Variants in RGL3 observed in about 807,000 individuals in gnomAD.
The protein encoded by RGL3 is ral guanine nucleotide dissociation stimulator like 3.
In RGL3, 85 loss-of-function variants were observed where a neutral mutation model predicts 90.6. The ratio of observed to expected loss-of-function variants is 0.94; its 90% CI spans 0.79 to 1.12. The LOEUF is 1.12. RGL3 is among the 50% of genes most tolerant of loss of function. RGL3 has a pLI of 0.00. For synonymous variants in RGL3, 408 were observed against 385.5 expected, an observed-to-expected ratio of 1.06 and a Z score of -0.68; for missense variants, 1,034 against 939.2, an observed-to-expected ratio of 1.10 and a Z score of -1.32.
chr19:11,415,498 G>A (rs1049999926), intron 5 of RGL3, among the ~76,000 whole-genome samples: 5 of 151,772 alleles, frequency 3.3e-5, no homozygotes, highest in Non-Finnish European at 7.4e-5. Context: ...TTTTTTAGAC[G>A]GAGTTTCGCT....
At chr19:11,414,206 T>TAC (rs1968929608) in intron 5 of RGL3, among the ~76,000 whole-genome samples, 1 of 106,050 alleles carries the variant, frequency 9.4e-6, no homozygotes, top group African/African-American at 3.7e-5. Flanking sequence ...TTTATATATA[T>TAC]ATATACCTTT....
chr19:11,407,756 G>C (rs987379073), intron 5 of RGL3, among the ~76,000 whole-genome samples: 14 of 150,254 alleles, frequency 9.3e-5, no homozygotes, highest in Admixed American at 6.0e-4. Context: ...GCGTGATCTT[G>C]GCTCACTGCA....
At position 11,416,897 on chromosome 19, in the gene RGL3, C is replaced by A. The variant is rs1449806212; in HGVS notation, c.310G>T (p.Val104Leu). Residue 104 changes from valine to leucine, a missense_variant, in exon 3 of 19, where the codon GTA becomes TTA. Coordinates refer to ENST00000380456, the MANE Select transcript of RGL3 (RefSeq NM_001035223.4). ...AAGCCCAGCAGGCAGGCAGTGGGTACAAAGGTCCGGTAGGTGGCCAGGAAG... is the reference window on the plus strand; with the variant it reads ...AAGCCCAGCAGGCAGGCAGTGGGTAAAAAGGTCCGGTAGGTGGCCAGGAAG... ...PAFLATYRTFVPTACLLGFLL... is the reference protein window; with the variant it reads ...PAFLATYRTFLPTACLLGFLL... 1 of 1,614,028 alleles carries A rather than the reference C, an allele frequency of 6.2e-7. No homozygotes were observed. Among genetic ancestry groups the A allele is most frequent in the Admixed American group, 1.7e-5 (1 of 59,988 alleles).
intron 16 of RGL3, among the ~76,000 whole-genome samples, chr19:11,398,191 C>T (rs1224070051): frequency 6.6e-6 from 1 of 152,080 alleles, no homozygotes; most frequent in Non-Finnish European, 1.5e-5. Flanking sequence ...TGTCCATATA[C>T]ACACAACCCA....
chr19:11,403,058 G>A (rs1321077380), intron 9 of RGL3, among the ~76,000 whole-genome samples: 1 of 151,810 alleles, frequency 6.6e-6, no homozygotes, highest in African/African-American at 2.4e-5. Context: ...CACTCTAGAG[G>A]GAGTGTCGCT....
At position 11,418,767 on chromosome 19, in the gene RGL3, C is replaced by T. The variant is rs1215331911; in HGVS notation, c.51G>A (p.Trp17Ter). The change falls in exon 2 of 19, where the codon TGG (tryptophan) becomes TGA (stop). Residue 17 changes from tryptophan (W) to a stop codon, truncating the protein, a stop_gained. Transcript: ENST00000380456. LOFTEE classifies it high-confidence loss of function. ...CCGCGCCGTCCTCGGTCTCTTCACC[C>T]CAGTCCTGCAGCGGTGCCTGGACGC... is the stretch of plus-strand genomic sequence containing the variant. The part of the protein sequence containing the change: ...KELALAPLQD[W>*]GEETEDGAVY... 6.4e-7 allele frequency: 1 copy of T among 1,560,866 alleles called. No homozygotes were observed.
intron 18 of RGL3, 32 bp from the exon 19 acceptor site, chr19:11,394,552 C>T: frequency 6.5e-7 from 1 of 1,529,252 alleles, no homozygotes; most frequent in Non-Finnish European, 9.1e-7. Flanking sequence ...GGTAATAGGC[C>T]CTCACAACCT....
chr19:11,415,720 CAT>C (rs1968980640), intron 5 of RGL3, among the ~76,000 whole-genome samples: 1 of 151,854 alleles, frequency 6.6e-6, no homozygotes, highest in Non-Finnish European at 1.5e-5. Context: ...GGTGATACAC[CAT>C]CCTTGGCCTC....
chr19:11,402,079 G>A lies in RGL3; in HGVS notation c.1416C>T (p.Tyr472=). 1.3e-6 allele frequency: 2 copies of A among 1,590,654 alleles called. No individual in the cohort carries two copies. The highest frequency in any genetic ancestry group is 2.0e-4 in the Middle Eastern group (1 of 5,066). The change falls in exon 13 of 19, where the codon TAC becomes TAT. Residue 472 remains tyrosine, a synonymous_variant. Transcript: ENST00000380456. The stretch of plus-strand genomic sequence containing the variant: ...GGATGGGCGGGTGGGGGCTCAGGGT[G>A]TAGCTCTGACAGCGCCTCTGCAGCT... ...IQQLQRRCQS[Y]TLSPHPPILA...
In RGL3 at chr19:11,406,567, C is replaced by T. The variant is rs778567762; in HGVS notation, c.848G>A (p.Gly283Glu). 1.3e-5 allele frequency: 20 copies of T among 1,550,656 alleles called. No individual in the cohort carries two copies. In the South Asian group the frequency reaches 1.7e-4, roughly 13 times the overall value. Residue 283 changes from glycine to glutamate, a missense_variant, in exon 7 of 19, where the codon GGG (glycine) becomes GAG (glutamate). Transcript: ENST00000380456. ...CACAGTGGGGGAGGCGCCTGCAGCC[C>T]CCGGCCGGTCCCTCTGCGACCACAC... ...GSVWSQRDRPGAAGASPTVRA... is the reference protein window; with the variant it reads ...GSVWSQRDRPEAAGASPTVRA...
At position 11,402,525 on chromosome 19, in the gene RGL3, G is replaced by A. The variant is rs1231352990; in HGVS notation, c.1259C>T (p.Pro420Leu). The change falls in exon 11 of 19, where the codon CCT becomes CTT. Residue 420 changes from proline (P) to leucine (L), a missense_variant. Coordinates refer to ENST00000380456, the MANE Select transcript of RGL3 (RefSeq NM_001035223.4). ...GSLPSKPPPG[P>L]VPYLGTFLTD... ...AAGGAAGGTGCCAAGGTAGGGGACAGGGCCTGGGGGTGGTTTCTGCAGCCC... is the reference window on the plus strand; with the variant it reads ...AAGGAAGGTGCCAAGGTAGGGGACAAGGCCTGGGGGTGGTTTCTGCAGCCC... The A allele has an allele frequency of 6.2e-7, 1 of 1,605,182 alleles. No individual in the cohort carries two copies. The highest frequency in any genetic ancestry group is 2.2e-5 in the East Asian group (1 of 44,846).
At position 11,416,010 on chromosome 19, in the gene RGL3, T is replaced by C. The variant is rs1397653086; in HGVS notation, c.564A>G (p.Ala188=). ...CCAAAAAATCTTCCAGAAGCTTCTC[T>C]GCTTTTTGAGCCTCAGCACTCCCTG... ...AAPGSAEAQK[A]EKLLEDFLEE... The change falls in exon 5 of 19, where the codon GCA becomes GCG. Residue 188 remains alanine, a synonymous_variant. Coordinates refer to ENST00000380456, the MANE Select transcript of RGL3 (RefSeq NM_001035223.4). The C allele has an allele frequency of 6.2e-7, 1 of 1,613,860 alleles. No individual in the cohort carries two copies. The highest frequency in any genetic ancestry group is 1.3e-5 in the African/African-American group (1 of 74,868).
At position 11,416,623 on chromosome 19, in the gene RGL3, T is replaced by C; in HGVS notation, c.416A>G (p.Lys139Arg). The change falls in exon 4 of 19, where the codon AAG (lysine) becomes AGG (arginine). Residue 139 changes from lysine to arginine, a missense_variant. Physicochemically the swap from Lys to Arg is conservative, Grantham distance 26. Transcript: ENST00000380456. ...KTAVQDLSFN[K>R]NLRAVVSVLG... Reference sequence around the variant, plus strand: ...TGGATGAAGGACCCACCTCAGGTTCTTGTTGAAGCTCAGATCTTGTACCGC... The same window carrying C: ...TGGATGAAGGACCCACCTCAGGTTCCTGTTGAAGCTCAGATCTTGTACCGC... 1.9e-6 allele frequency: 3 copies of C among 1,614,118 alleles called. No homozygotes were observed. The highest frequency in any genetic ancestry group is 2.5e-6 in the Non-Finnish European group (3 of 1,180,000).
At chr19:11,407,600 G>T (rs1416343067) in intron 5 of RGL3, among the ~76,000 whole-genome samples, 1 of 151,956 alleles carries the variant, frequency 6.6e-6, no homozygotes, top group Non-Finnish European at 1.5e-5. Context: ...CCTGGTTCAG[G>T]GAAGGCTATT....
intron 16 of RGL3, among the ~76,000 whole-genome samples, chr19:11,399,225 C>T (rs1055782672): frequency 1.3e-5 from 2 of 152,158 alleles, no homozygotes; most frequent in African/African-American, 2.4e-5. Flanking sequence ...CAGGCAATAG[C>T]CACCGTGTCT....
chr19:11,400,381 G>A lies in RGL3; in HGVS notation c.1485-84C>T, dbSNP rs1968653809. 6.3e-6 allele frequency: 8 copies of A among 1,260,346 alleles called. No homozygotes were observed. The South Asian group carries it at 8.0e-5, about 13-fold the overall frequency. The allele number at this position is 1,260,346 out of a possible 1,614,324, so 78.1% of individuals were successfully genotyped here. ...TAAGAGTTGGAATCAGTTGGGAGGT[G>A]GGTTTGGGGTGTAAGGGGGAGCAGC... is the stretch of plus-strand genomic sequence containing the variant. On this transcript the variant is annotated intron_variant, in intron 13 of 18. Coordinates refer to ENST00000380456, the MANE Select transcript of RGL3 (RefSeq NM_001035223.4).
chr19:11,400,019 A>G (rs753983006), intron 15 of RGL3, 21 bp downstream of exon 15: 1 of 1,602,524 alleles, frequency 6.2e-7, no homozygotes, highest in South Asian at 1.1e-5. Context: ...CCCCAGTCCC[A>G]TCACCAAGCA....
At chr19:11,410,853 T>G (rs1968862176) in intron 5 of RGL3, among the ~76,000 whole-genome samples, 1 of 152,134 alleles carries the variant, frequency 6.6e-6, no homozygotes, top group African/African-American at 2.4e-5. Context: ...CCATTTTTTT[T>G]GCCCTCTAAT....
chr19:11,400,766 A>G (rs768424739), intron 13 of RGL3, among the ~76,000 whole-genome samples: 2 of 151,728 alleles, frequency 1.3e-5, no homozygotes, highest in Non-Finnish European at 2.9e-5. Flanking sequence ...GAGGCAGTAG[A>G]ATTGCTTGAA....
Sources: gnomAD v4.1 joint callset for allele counts (sites outside exome capture counted in the v4.1 genomes callset) on GRCh38, gnomAD v4.1.1 for gene constraint, MANE v1.5 for transcripts, NCBI Gene and HGNC (gene_info 2026-07-23, HGNC 2026-07-21) for gene names.